ANK3: variants seen among roughly 807,000 people sequenced by gnomAD.
ANK3 encodes ankyrin 3.
In ANK3, 57 loss-of-function variants were observed where a neutral mutation model predicts 370.9. The observed-to-expected ratio is 0.15, with a 90% confidence interval of 0.12 to 0.19. ANK3 has a LOEUF of 0.19. Among genes scored for constraint, ANK3 ranks in the 10% least tolerant of loss-of-function variants. The probability of loss-of-function intolerance (pLI) is 1.00; values close to 1 mark genes in which losing one functional copy is unlikely to be tolerated. For missense variants in ANK3, 4,439 were observed against 5,302.1 expected (o/e 0.84, Z 5.06); for synonymous variants, 1,929 against 1,946.3 (o/e 0.99, Z 0.23).
intron 42 of ANK3, among the ~76,000 whole-genome samples, chr10:60,054,113 T>A (rs1261784863): frequency 6.6e-6 from 1 of 152,232 alleles, no homozygotes; most frequent in African/African-American, 2.4e-5. Context: ...CCCATACATA[T>A]GCACATGTAC....
At chr10:60,347,214 G>C (rs1290118280) in intron 1 of ANK3, among the ~76,000 whole-genome samples, 1 of 151,568 alleles carries the variant, frequency 6.6e-6, no homozygotes, top group East Asian at 1.9e-4. Context: ...ATTATAAACT[G>C]TACATAGAAA....
chr10:60,141,317 G>A (rs117421224), intron 23 of ANK3, among the ~76,000 whole-genome samples: 2,262 of 152,178 alleles, frequency 0.015, 30 homozygotes, highest in Non-Finnish European at 0.02. Flanking sequence ...GTGCTCCTTC[G>A]AGAGGTCCCT....
At chr10:60,164,875 T>C (rs771589124) in intron 23 of ANK3, among the ~76,000 whole-genome samples, 3 of 152,180 alleles carry the variant, frequency 2.0e-5, no homozygotes, top group African/African-American at 7.2e-5. Context: ...TTGATTCCAA[T>C]AGCCCTGGAC....
At chr10:60,116,451 T>TA (rs1014235255) in intron 25 of ANK3, among the ~76,000 whole-genome samples, 5 of 151,672 alleles carry the variant, frequency 3.3e-5, no homozygotes, top group Admixed American at 2.0e-4. Context: ...GCATCCAGTA[T>TA]AAAAACAAAA....
intron 25 of ANK3, among the ~76,000 whole-genome samples, chr10:60,121,624 G>A (rs1283755380): frequency 6.6e-6 from 1 of 151,620 alleles, no homozygotes. Context: ...CTGGGAGGTG[G>A]AGGTTGCAGT....
chr10:60,220,212 T>G (rs2097021951), intron 8 of ANK3, among the ~76,000 whole-genome samples: 1 of 152,076 alleles, frequency 6.6e-6, no homozygotes, highest in African/African-American at 2.4e-5. Flanking sequence ...TTTTATGAAC[T>G]AAAAGGTCAA....
At chr10:60,187,757 T>A (rs1239524168) in intron 16 of ANK3, among the ~76,000 whole-genome samples, 1 of 152,176 alleles carries the variant, frequency 6.6e-6, no homozygotes, top group Admixed American at 6.5e-5. Context: ...TGATTTCCTC[T>A]TTTACAAAAC....
chr10:60,279,283 C>G, intron 2 of ANK3, 135 bp from the exon 3 acceptor site: 1 of 784,402 alleles, frequency 1.3e-6, no homozygotes, highest in Non-Finnish European at 2.1e-6. Context: ...GAACTTGAAT[C>G]TTGAATTAGG....
chr10:60,272,647 T>G lies in ANK3; in HGVS notation c.415-2418A>C, dbSNP rs570817158. 3.3e-5 allele frequency among the ~76,000 whole-genome samples: 5 copies of G among 152,212 alleles called. No homozygotes were observed. In the East Asian group the frequency reaches 9.7e-4, roughly 30 times the overall value. The stretch of plus-strand genomic sequence containing the variant: ...GGCATGTGCCACCTCGCCCGGCTAA[T>G]TTTTGTATTTTTAGCAGAGGTGGGG... On this transcript the variant is annotated intron_variant, in intron 4 of 43. Transcript: ENST00000280772.
At chr10:60,319,816 C>T (rs1020686630) in intron 1 of ANK3, among the ~76,000 whole-genome samples, 6 of 152,170 alleles carry the variant, frequency 3.9e-5, no homozygotes, top group Non-Finnish European at 8.8e-5. Context: ...CTCTATCTTG[C>T]CCATAAACCA....
rs1056519271 is a variant in ANK3, at chr10:60,480,886, T to G, written c.96+134300A>C. Among the ~76,000 whole-genome samples, 3 of 152,232 alleles carry G rather than the reference T, an allele frequency of 2.0e-5. No homozygotes were observed. The East Asian group carries it at 5.8e-4, about 29-fold the overall frequency. ...AATTGCTAACAAAAGTTTTGGATCC[T>G]TTCATGCATCATTATAGATTACCAT... is the stretch of plus-strand genomic sequence containing the variant. On this transcript the variant is annotated intron_variant, in intron 2 of 43. Transcript: ENST00000373827.
intron 1 of ANK3, among the ~76,000 whole-genome samples, chr10:60,352,613 CCTA>C (rs1469664896): frequency 6.6e-6 from 1 of 152,074 alleles, no homozygotes; most frequent in East Asian, 1.9e-4. Context: ...GTGAGAACTT[CCTA>C]TGATGTTCTT....
chr10:60,228,023 T>C (rs550062193), intron 8 of ANK3, among the ~76,000 whole-genome samples: 1 of 152,332 alleles, frequency 6.6e-6, no homozygotes, highest in South Asian at 2.1e-4. Flanking sequence ...AGCTGATGAC[T>C]TTTCCCAGCA....
chr10:60,641,116 C>T (rs1052235180), intron 1 of ANK3, among the ~76,000 whole-genome samples: 6 of 149,842 alleles, frequency 4.0e-5, no homozygotes, highest in African/African-American at 9.8e-5. Flanking sequence ...AACCACTGCT[C>T]AAGGAAATAA....
chr10:60,031,157 G>A (rs894001286), intron 43 of ANK3, among the ~76,000 whole-genome samples: 6 of 152,134 alleles, frequency 3.9e-5, no homozygotes, highest in East Asian at 3.9e-4. Context: ...GAAGAAAAGC[G>A]TCATTACTTC....
At chr10:60,060,032 G>C in intron 40 of ANK3, 2 of 1,511,944 alleles carry the variant, frequency 1.3e-6, no homozygotes, top group Non-Finnish European at 1.8e-6. Flanking sequence ...CATTTGGACT[G>C]ACTGGAATGA....
intron 1 of ANK3, among the ~76,000 whole-genome samples, chr10:60,339,939 A>G (rs1398180661): frequency 6.6e-6 from 1 of 152,210 alleles, no homozygotes; most frequent in East Asian, 1.9e-4. Flanking sequence ...GATTACATGT[A>G]TCTATGATGA....
intron 2 of ANK3, among the ~76,000 whole-genome samples, chr10:60,581,313 A>C (rs895181773): frequency 6.6e-6 from 1 of 152,168 alleles, no homozygotes; most frequent in Non-Finnish European, 1.5e-5. Flanking sequence ...AAGGTCGTTC[A>C]TAATGTGCAT....
chr10:60,171,967 C>T (rs2095803940), intron 21 of ANK3, among the ~76,000 whole-genome samples: 1 of 152,158 alleles, frequency 6.6e-6, no homozygotes, highest in African/African-American at 2.4e-5. Flanking sequence ...TTTCTTTACG[C>T]TGCCAAGGAA....
Sources: allele counts gnomAD v4.1 joint callset (sites outside exome capture counted in the v4.1 genomes callset), GRCh38; gene constraint gnomAD v4.1.1; transcripts MANE v1.5; gene names NCBI Gene and HGNC (gene_info 2026-07-23, HGNC 2026-07-21).